EFNA5: variants seen among roughly 807,000 people sequenced by gnomAD.
EFNA5 encodes the protein ephrin-A5.
In EFNA5, 5 loss-of-function variants were observed where a neutral mutation model predicts 22.9. The observed-to-expected ratio is 0.22, with a 90% CI of 0.11 to 0.46. EFNA5 has a LOEUF of 0.46. EFNA5 is among the 20% of genes least tolerant of loss of function. The pLI, the probability that EFNA5 is intolerant of heterozygous loss-of-function variation, is 0.99. For synonymous variants in EFNA5, 113 were observed against 112.2 expected, an observed-to-expected ratio of 1.01 and a Z score of -0.04; for missense variants, 237 against 293.3, an observed-to-expected ratio of 0.81 and a Z score of 1.40.
intron 1 of EFNA5, among the ~76,000 whole-genome samples, chr5:107,516,960 T>G (rs1333782249): frequency 6.6e-6 from 1 of 151,950 alleles, no homozygotes. Flanking sequence ...AGACAGAAAA[T>G]AGATGACAGG....
At chr5:107,666,859 C>G (rs80128098) in intron 1 of EFNA5, among the ~76,000 whole-genome samples, 1 of 152,098 alleles carries the variant, frequency 6.6e-6, no homozygotes, top group African/African-American at 2.4e-5. Context: ...TTATGGCATA[C>G]TTCAGATGAA....
At chr5:107,658,027 T>C (rs1750867049) in intron 1 of EFNA5, among the ~76,000 whole-genome samples, 1 of 152,096 alleles carries the variant, frequency 6.6e-6, no homozygotes, top group African/African-American at 2.4e-5. Flanking sequence ...GGAGCAAAAG[T>C]TTCTCACTAA....
chr5:107,401,551 A>G (rs1446644309), intron 2 of EFNA5, among the ~76,000 whole-genome samples: 2 of 152,238 alleles, frequency 1.3e-5, no homozygotes, highest in African/African-American at 4.8e-5. Flanking sequence ...TTCAAGTGCA[A>G]ACTTCCCCCA....
intron 1 of EFNA5, among the ~76,000 whole-genome samples, chr5:107,621,396 T>C (rs1009055276): frequency 2.0e-5 from 3 of 152,224 alleles, no homozygotes; most frequent in Non-Finnish European, 4.4e-5. Context: ...GATGGGTACC[T>C]CATTGAAGGG....
Position 107,479,459 on chromosome 5 carries a change from T to A in EFNA5, c.126-51950A>T, listed in dbSNP as rs535518319. On this transcript the variant is annotated intron_variant, in intron 1 of 4. Coordinates refer to ENST00000333274, the MANE Select transcript of EFNA5 (RefSeq NM_001962.3). ...TGACCTCAATAAATGAAAACACATT[T>A]AAAAAAAAAAAACAACCTAAATTAT... 3.2e-3 allele frequency among the ~76,000 whole-genome samples: 462 copies of A among 145,114 alleles called. 4 individuals carry two copies. Among genetic ancestry groups the A allele is most frequent in the South Asian group, 7.2e-3 (33 of 4,584 alleles).
At chr5:107,406,236 G>T (rs1318648513) in intron 2 of EFNA5, among the ~76,000 whole-genome samples, 3 of 149,620 alleles carry the variant, frequency 2.0e-5, no homozygotes, top group Admixed American at 6.7e-5. Flanking sequence ...TAAATTAATA[G>T]AATGTATACA....
chr5:107,436,148 A>T lies in EFNA5; in HGVS notation c.126-8639T>A, dbSNP rs148053337. 1.1e-4 allele frequency among the ~76,000 whole-genome samples: 17 copies of T among 152,336 alleles called. No homozygotes were observed. The East Asian group carries it at 3.1e-3, about 28-fold the overall frequency. ...GTCTGAATGACTTTTTAAAACTGCT[A>T]TCTCCCAGAAATTGCACCTGTTTCA... On this transcript the variant is annotated intron_variant, in intron 1 of 4. Coordinates refer to ENST00000333274, the MANE Select transcript of EFNA5 (RefSeq NM_001962.3).
chr5:107,658,524 T>G (rs1333395063), intron 1 of EFNA5, among the ~76,000 whole-genome samples: 4 of 152,208 alleles, frequency 2.6e-5, no homozygotes, highest in African/African-American at 9.6e-5. Flanking sequence ...GAAAGGAACA[T>G]TAGGCATTCT....
Position 107,587,153 on chromosome 5 carries a change from A to C in EFNA5, c.125+83336T>G, listed in dbSNP as rs1034158561. Among the ~76,000 whole-genome samples, 3 of 152,332 alleles carry C rather than the reference A, an allele frequency of 2.0e-5. No homozygotes were observed. The East Asian group carries it at 5.8e-4, about 29-fold the overall frequency. On this transcript the variant is annotated intron_variant, in intron 1 of 4. Coordinates refer to ENST00000333274, the MANE Select transcript of EFNA5 (RefSeq NM_001962.3). ...ATCTAAAATCCTAATAGCATCCAAA[A>C]CCCACTTAAATGATTAACATTCATG...
At chr5:107,650,484 G>A (rs964067673) in intron 1 of EFNA5, among the ~76,000 whole-genome samples, 2 of 151,990 alleles carry the variant, frequency 1.3e-5, no homozygotes, top group African/African-American at 4.8e-5. Flanking sequence ...GAGGGATTTG[G>A]GACACAAAAT....
chr5:107,540,701 T>G (rs163890), intron 1 of EFNA5, among the ~76,000 whole-genome samples: 1 of 152,100 alleles, frequency 6.6e-6, no homozygotes, highest in Non-Finnish European at 1.5e-5. Flanking sequence ...TTCAATATAC[T>G]TATACTTTAA....
chr5:107,526,253 T>C lies in EFNA5; in HGVS notation c.126-98744A>G, dbSNP rs111269172. On this transcript the variant is annotated intron_variant, in intron 1 of 4. Transcript: ENST00000333274. ...ATTTTAGAATGACAACATTGCTTCT[T>C]GCAATAACCATTAGGTTTCAACTAG... 3.8e-3 allele frequency among the ~76,000 whole-genome samples: 578 copies of C among 152,338 alleles called. 2 individuals are homozygous for C. The highest frequency in any genetic ancestry group is 0.013 in the African/African-American group (553 of 41,580).
At chr5:107,412,518 C>T (rs1391588342) in intron 2 of EFNA5, among the ~76,000 whole-genome samples, 3 of 152,046 alleles carry the variant, frequency 2.0e-5, no homozygotes, top group African/African-American at 7.2e-5. Context: ...TAATTTATCC[C>T]ATTTCATTTA....
At chr5:107,612,367 T>C (rs1050113560) in intron 1 of EFNA5, among the ~76,000 whole-genome samples, 4 of 152,154 alleles carry the variant, frequency 2.6e-5, no homozygotes, top group African/African-American at 9.7e-5. Context: ...CCATCTTATA[T>C]GGCCTCCTCT....
chr5:107,608,215 G>A (rs534251626), intron 1 of EFNA5, among the ~76,000 whole-genome samples: 2 of 152,274 alleles, frequency 1.3e-5, no homozygotes, highest in Admixed American at 6.5e-5. Context: ...CGGCCTCTAG[G>A]TGTCTTGTTT....
At chr5:107,437,808 A>T in intron 1 of EFNA5, among the ~76,000 whole-genome samples, 1 of 152,162 alleles carries the variant, frequency 6.6e-6, no homozygotes, top group Non-Finnish European at 1.5e-5. Flanking sequence ...ATTTTGAGAG[A>T]AGCTAAATAT....
chr5:107,437,371 G>T, intron 1 of EFNA5, among the ~76,000 whole-genome samples: 1 of 152,180 alleles, frequency 6.6e-6, no homozygotes, highest in Non-Finnish European at 1.5e-5. Context: ...TATTTGGCCA[G>T]TTAGGACCTT....
At chr5:107,574,374 T>C (rs926644980) in intron 1 of EFNA5, among the ~76,000 whole-genome samples, 4 of 147,738 alleles carry the variant, frequency 2.7e-5, no homozygotes, top group Admixed American at 2.7e-4. Flanking sequence ...AAAAAAAAAA[T>C]CATTCAATAA....
At chr5:107,553,550 A>G (rs1748345008) in intron 1 of EFNA5, among the ~76,000 whole-genome samples, 1 of 152,180 alleles carries the variant, frequency 6.6e-6, no homozygotes, top group African/African-American at 2.4e-5. Flanking sequence ...TAGTTGTTTA[A>G]ACATTCGGAG....
Sources: allele counts gnomAD v4.1 joint callset (sites outside exome capture counted in the v4.1 genomes callset), GRCh38; gene constraint gnomAD v4.1.1; transcripts MANE v1.5; gene names NCBI Gene and HGNC (gene_info 2026-07-23, HGNC 2026-07-21).